Variants in SOS1 observed in about 807,000 individuals in gnomAD.
The protein encoded by SOS1 is son of sevenless homolog 1.
In SOS1, 25 loss-of-function variants were observed where a neutral mutation model predicts 157.6. The ratio of observed to expected loss-of-function variants is 0.16; its 90% confidence interval spans 0.12 to 0.22. The LOEUF is 0.22. SOS1 is among the 10% of genes least tolerant of loss of function. The probability of loss-of-function intolerance (pLI) is 1.00; values close to 1 mark genes in which losing one functional copy is unlikely to be tolerated. For synonymous variants in SOS1, 528 were observed against 534.0 expected (o/e 0.99, Z 0.16); for missense variants, 1,237 against 1,599.1 (o/e 0.77, Z 3.86).
chr2:39,120,319 T>A lies in SOS1; in HGVS notation c.87+17A>T. ...GGGGGGCTGCGGCCGGGAAGCGGGG[T>A]CCCGCGTGCTCCTCACCTTTTTCAG... On this transcript the variant is annotated intron_variant, in intron 1 of 22. Transcript: ENST00000402219. 6.4e-7 allele frequency: 1 copy of A among 1,560,864 alleles called. No homozygotes were observed. Among genetic ancestry groups the A allele is most frequent in the Non-Finnish European group, 8.7e-7 (1 of 1,153,374 alleles).
chr2:39,095,810 A>T (rs569751007), intron 1 of SOS1, among the ~76,000 whole-genome samples: 4 of 152,356 alleles, frequency 2.6e-5, no homozygotes, highest in Admixed American at 1.3e-4. Context: ...GCAACATTAC[A>T]GAATGGTTGA....
At chr2:39,078,448 A>C (rs1446139428) in intron 1 of SOS1, among the ~76,000 whole-genome samples, 1 of 152,178 alleles carries the variant, frequency 6.6e-6, no homozygotes, top group Non-Finnish European at 1.5e-5. Flanking sequence ...TTCTAAGTAC[A>C]TTATTGGAGG....
intron 1 of SOS1, among the ~76,000 whole-genome samples, chr2:39,117,028 CTTTT>C (rs530087122): frequency 7.2e-6 from 1 of 138,560 alleles, no homozygotes. Context: ...ATGTCATTTA[CTTTT>C]TTTTTTTTTT....
intron 1 of SOS1, among the ~76,000 whole-genome samples, chr2:39,085,094 G>A (rs530572524): frequency 1.7e-4 from 26 of 152,084 alleles, no homozygotes; most frequent in African/African-American, 6.3e-4. Flanking sequence ...TCATGAGGTT[G>A]GACTGCAGTG....
intron 20 of SOS1, chr2:38,992,373 T>C (rs1424784805): frequency 6.6e-6 from 1 of 152,218 alleles, no homozygotes; most frequent in East Asian, 1.9e-4. Flanking sequence ...TTTTTCTTTA[T>C]CATAAACAAA....
intron 2 of SOS1, among the ~76,000 whole-genome samples, chr2:39,066,389 G>A (rs2060989): frequency 0.89 from 136,085 of 152,252 alleles, 60,997 homozygotes; most frequent in Non-Finnish European, 0.93. Context: ...TACACTTGAA[G>A]TCATTAAAGT....
intron 1 of SOS1, among the ~76,000 whole-genome samples, chr2:39,071,331 AT>A (rs954510506): frequency 4.9e-4 from 74 of 152,308 alleles, no homozygotes; most frequent in African/African-American, 1.7e-3. Flanking sequence ...TACGGAGTGG[AT>A]GCCCATGGAC....
chr2:39,059,489 C>T (rs972683285), intron 2 of SOS1, among the ~76,000 whole-genome samples: 1 of 152,038 alleles, frequency 6.6e-6, no homozygotes, highest in African/African-American at 2.4e-5. Context: ...TTCAAAAAGG[C>T]GCTTTCATCC....
At chr2:39,025,196 C>A (rs912266316) in intron 8 of SOS1, among the ~76,000 whole-genome samples, 1 of 152,058 alleles carries the variant, frequency 6.6e-6, no homozygotes, top group Non-Finnish European at 1.5e-5. Flanking sequence ...CTTAAGCCTA[C>A]GAGTTTGAGA....
rs1342477931 is a variant in SOS1, at chr2:39,088,456, T to C, written c.88-20703A>G. Among the ~76,000 whole-genome samples, 4 of 151,970 alleles carry C rather than the reference T, an allele frequency of 2.6e-5. No homozygotes were observed. The South Asian group carries it at 8.3e-4, about 32-fold the overall frequency. ...CTTTTTCATCATCTTGGCCTGGAACTCTGCACCTGTTAAACAATAACTCCC... is the reference window on the plus strand; with the variant it reads ...CTTTTTCATCATCTTGGCCTGGAACCCTGCACCTGTTAAACAATAACTCCC... On this transcript the variant is annotated intron_variant, in intron 1 of 22. Coordinates refer to ENST00000402219, the MANE Select transcript of SOS1 (RefSeq NM_005633.4).
chr2:38,987,256 C>T (rs1377352412), intron 22 of SOS1, among the ~76,000 whole-genome samples: 1 of 152,142 alleles, frequency 6.6e-6, no homozygotes. Flanking sequence ...TAACCATAGC[C>T]TTAGGTTTAC....
In SOS1 at chr2:38,984,407, AG is replaced by A. The variant is rs1280238564; in HGVS notation, c.*1416del. Reference sequence around the variant, plus strand: ...TGCAGGTAGATGTTCTATTATGAATAGTTTTGATAAAGCAGAAAACCTCAAG... The same window carrying A: ...TGCAGGTAGATGTTCTATTATGAATATTTTGATAAAGCAGAAAACCTCAAG... On this transcript the variant is annotated 3_prime_UTR_variant, in exon 23 of 23. Transcript: ENST00000402219. 3.9e-5 allele frequency: 6 copies of A among 152,212 alleles called. No homozygotes were observed. The highest frequency in any genetic ancestry group is 1.4e-4 in the African/African-American group (6 of 41,452). 9.4% of individuals were successfully genotyped at this position (152,212 alleles called of 1,614,324 possible). A position where few individuals can be genotyped will look rare whatever the true frequency, so the allele number is the denominator to read the frequency against.
At chr2:39,013,412 G>T in intron 13 of SOS1, 48 bp downstream of exon 13, 4 of 1,024,708 alleles carry the variant, frequency 3.9e-6, no homozygotes, top group Admixed American at 1.7e-5. Context: ...TCACCGTGTT[G>T]GTACTTTTAT....
intron 1 of SOS1, among the ~76,000 whole-genome samples, chr2:39,079,093 G>C (rs141689857): frequency 3.1e-4 from 1 of 3,202 alleles, no homozygotes; most frequent in Non-Finnish European, 1.0e-3. Flanking sequence ...AAAAAGTTGA[G>C]GACTGCTACA....
At chr2:39,113,424 C>T (rs1673514670) in intron 1 of SOS1, among the ~76,000 whole-genome samples, 1 of 151,612 alleles carries the variant, frequency 6.6e-6, no homozygotes, top group Non-Finnish European at 1.5e-5. Flanking sequence ...TCTCAAACTC[C>T]TCCTGCCTTG....
chr2:39,021,401 A>G (rs1036120734), intron 10 of SOS1, among the ~76,000 whole-genome samples: 2 of 151,592 alleles, frequency 1.3e-5, no homozygotes, highest in East Asian at 1.9e-4. Context: ...GAAAACTTCT[A>G]TCACTCAATC....
intron 1 of SOS1, among the ~76,000 whole-genome samples, chr2:39,081,732 G>A (rs1672207867): frequency 6.6e-6 from 1 of 152,164 alleles, no homozygotes; most frequent in African/African-American, 2.4e-5. Flanking sequence ...GGCTGAGGCA[G>A]GAGAATCACT....
intron 17 of SOS1, among the ~76,000 whole-genome samples, chr2:39,000,746 C>T (rs78095183): frequency 1.3e-5 from 2 of 152,222 alleles, no homozygotes; most frequent in East Asian, 1.9e-4. Context: ...ACAGAAACTA[C>T]GGAACTGTAT....
Position 39,054,729 on chromosome 2 carries a change from T to C in SOS1, c.605A>G (p.Tyr202Cys), listed in dbSNP as rs1671143990. Residue 202 changes from tyrosine (Y) to cysteine (C), a missense_variant, in exon 5 of 23, where the codon TAT (tyrosine) becomes TGT (cysteine). Tyr to Cys is a radical substitution (Grantham distance 194). Around this residue, in one of 15 missense-constraint regions of SOS1, gnomAD observed 108 missense variants for 115.3 expected, o/e 0.94. Transcript: ENST00000402219. ...TGCCATAAATGCTTTTACCAAATCATAGTAAGTTTGTTCTCCTGAGGTGGA... is the reference window on the plus strand; with the variant it reads ...TGCCATAAATGCTTTTACCAAATCACAGTAAGTTTGTTCTCCTGAGGTGGA... Reference protein sequence around the residue: ...EPSTSGEQTYYDLVKAFMAEI... With the variant: ...EPSTSGEQTYCDLVKAFMAEI... 6.3e-7 allele frequency: 1 copy of C among 1,594,826 alleles called. No individual in the cohort carries two copies.
Sources: allele counts gnomAD v4.1 joint callset (sites outside exome capture counted in the v4.1 genomes callset), GRCh38; gene constraint gnomAD v4.1.1; regional missense constraint gnomAD v4.1.1; transcripts MANE v1.5; gene names NCBI Gene and HGNC (gene_info 2026-07-23, HGNC 2026-07-21).